Variants in RABGAP1L observed in about 807,000 individuals in gnomAD.
RABGAP1L encodes rab GTPase-activating protein 1-like.
RABGAP1L carries 63 observed loss-of-function variants against 137.7 expected under a neutral mutation model. The observed-to-expected ratio is 0.46, with a 90% CI of 0.37 to 0.56. RABGAP1L has a LOEUF of 0.56. Among genes scored for constraint, RABGAP1L ranks in the 20% least tolerant of loss-of-function variants. The probability of loss-of-function intolerance (pLI) is 0.00; values close to 1 mark genes in which losing one functional copy is unlikely to be tolerated. For synonymous variants in RABGAP1L, 431 were observed against 433.7 expected, an observed-to-expected ratio of 0.99 and a Z score of 0.08; for missense variants, 1,095 against 1,244.0, an observed-to-expected ratio of 0.88 and a Z score of 1.80.
intron 13 of RABGAP1L, among the ~76,000 whole-genome samples, chr1:174,470,725 G>C (rs1347763793): frequency 2.0e-5 from 3 of 152,104 alleles, no homozygotes; most frequent in African/African-American, 7.2e-5. Flanking sequence ...CAAGATGGCG[G>C]CATTGCACTC....
At chr1:174,208,274 T>C (rs1668633873) in intron 1 of RABGAP1L, among the ~76,000 whole-genome samples, 1 of 152,044 alleles carries the variant, frequency 6.6e-6, no homozygotes, top group Non-Finnish European at 1.5e-5. Context: ...GTTTTTTTTT[T>C]CTCTTTTTGA....
At chr1:174,225,148 CACTG>C (rs759159299) in intron 3 of RABGAP1L, among the ~76,000 whole-genome samples, 1 of 152,076 alleles carries the variant, frequency 6.6e-6, no homozygotes, top group Non-Finnish European at 1.5e-5. Context: ...TGTTCAAGCT[CACTG>C]ACTTTTTACT....
chr1:174,166,875 GT>G lies in RABGAP1L; in HGVS notation c.-34+7220del, dbSNP rs1285181206. Among the ~76,000 whole-genome samples, 3 of 152,214 alleles carry G rather than the reference GT, an allele frequency of 2.0e-5. No homozygotes were observed. In the East Asian group the frequency reaches 5.8e-4, roughly 29 times the overall value. On this transcript the variant is annotated intron_variant, in intron 1 of 25. Transcript: ENST00000681986. Reference sequence around the variant, plus strand: ...GAAGTGTGTGGAAAATTTTGGAAATGTTGGTAAAGAAGTTGCTATAGTAAAT... The same window carrying G: ...GAAGTGTGTGGAAAATTTTGGAAATGTGGTAAAGAAGTTGCTATAGTAAAT...
intron 13 of RABGAP1L, among the ~76,000 whole-genome samples, chr1:174,590,301 C>G (rs1468524937): frequency 1.4e-5 from 2 of 148,058 alleles, no homozygotes; most frequent in African/African-American, 4.9e-5. Flanking sequence ...TTTTTTAATA[C>G]CTCCTTTGTT....
intron 19 of RABGAP1L, among the ~76,000 whole-genome samples, chr1:174,938,907 G>C (rs1665354487): frequency 6.6e-6 from 1 of 152,080 alleles, no homozygotes; most frequent in African/African-American, 2.4e-5. Context: ...ATAGAAATGG[G>C]AACATAAATA....
chr1:174,765,385 C>A (rs546732181), intron 18 of RABGAP1L, among the ~76,000 whole-genome samples: 3 of 152,058 alleles, frequency 2.0e-5, no homozygotes, highest in Non-Finnish European at 4.4e-5. Context: ...CTGTTCAGAT[C>A]CTTTGCCCAC....
In RABGAP1L at chr1:174,437,198, A is replaced by G. The variant is rs184591937; in HGVS notation, c.1710+43053A>G. Among the ~76,000 whole-genome samples the G allele has an allele frequency of 3.1e-4, 47 of 152,356 alleles. 1 individual carries two copies. In the East Asian group the frequency reaches 8.7e-3, roughly 28 times the overall value. ...CAAAGGAACGCAGCTCCTCACCAGC[A>G]ACGGAACAAAACTGGACAGAGAATG... On this transcript the variant is annotated intron_variant, in intron 13 of 25. Transcript: ENST00000681986.
chr1:174,881,082 T>C (rs1654119404), intron 19 of RABGAP1L, among the ~76,000 whole-genome samples: 1 of 152,116 alleles, frequency 6.6e-6, no homozygotes, highest in Non-Finnish European at 1.5e-5. Flanking sequence ...TGTTTGTATG[T>C]GTATGGACGC....
chr1:174,324,217 A>T (rs1274984322), intron 11 of RABGAP1L, among the ~76,000 whole-genome samples: 2 of 152,182 alleles, frequency 1.3e-5, no homozygotes, highest in African/African-American at 4.8e-5. Context: ...TTATACTGAA[A>T]TGACTACCTC....
At chr1:174,583,281 A>C (rs1274266871) in intron 13 of RABGAP1L, among the ~76,000 whole-genome samples, 1 of 152,126 alleles carries the variant, frequency 6.6e-6, no homozygotes, top group Non-Finnish European at 1.5e-5. Context: ...TCTTTTACAG[A>C]TCTCTCATGA....
intron 22 of RABGAP1L, among the ~76,000 whole-genome samples, chr1:174,977,851 A>G (rs1396421507): frequency 7.0e-6 from 1 of 143,864 alleles, no homozygotes; most frequent in Admixed American, 6.8e-5. Flanking sequence ...ATAACTTACC[A>G]ATTGCTTTTA....
Position 174,348,130 on chromosome 1 carries a change from T to G in RABGAP1L, c.1466-22849T>G, listed in dbSNP as rs766817704. ...AAGGTTATTTTTTTTGGTGGTGTGC[T>G]TTGAGTTTTTGCTTTTTATTTTTTG... On this transcript the variant is annotated intron_variant, in intron 11 of 25. Coordinates refer to ENST00000681986, the MANE Select transcript of RABGAP1L (RefSeq NM_001366446.1). Among the ~76,000 whole-genome samples the G allele has an allele frequency of 1.3e-4, 19 of 151,882 alleles. 1 individual carries two copies. The highest frequency in any genetic ancestry group is 2.5e-4 in the Non-Finnish European group (17 of 67,958).
chr1:174,587,235 A>T (rs1669184526), intron 13 of RABGAP1L, among the ~76,000 whole-genome samples: 1 of 132,752 alleles, frequency 7.5e-6, no homozygotes, highest in African/African-American at 2.9e-5. Flanking sequence ...TTATAGCAGC[A>T]TGATTTATGG....
chr1:174,408,311 G>T (rs1649513670), intron 13 of RABGAP1L, among the ~76,000 whole-genome samples: 1 of 152,160 alleles, frequency 6.6e-6, no homozygotes, highest in African/African-American at 2.4e-5. Context: ...GTGAGAACAT[G>T]TGGTACTTGG....
intron 20 of RABGAP1L, among the ~76,000 whole-genome samples, chr1:174,965,721 C>CTGTGTAG (rs990897484): frequency 1.3e-5 from 2 of 152,198 alleles, no homozygotes; most frequent in African/African-American, 4.8e-5. Context: ...AGCTTGCTTT[C>CTGTGTAG]CCACTTGTCT....
chr1:174,185,445 A>G (rs1356407633), intron 1 of RABGAP1L, among the ~76,000 whole-genome samples: 3 of 152,194 alleles, frequency 2.0e-5, no homozygotes, highest in African/African-American at 7.2e-5. Context: ...TTATTTGAAT[A>G]AATATAAAAT....
rs760181639 is a variant in RABGAP1L at position 174,833,449 on chromosome 1, GAT to G, written c.2340+21507_2340+21508del. Among the ~76,000 whole-genome samples, 15 of 27,812 alleles carry G rather than the reference GAT, an allele frequency of 5.4e-4. 3 individuals carry two copies. Among genetic ancestry groups the G allele is most frequent in the Admixed American group, 3.0e-3 (5 of 1,684 alleles). The allele number at this position is 27,812 out of a possible 152,430, so 18.2% of individuals were successfully genotyped here. A position where few individuals can be genotyped will look rare whatever the true frequency, so the allele number is the denominator to read the frequency against. ...ATATATATATGTGTGTGTGTGTAGA[GAT>G]ATATATATATATATATAGTAGAGAC... On this transcript the variant is annotated intron_variant, in intron 19 of 25. Coordinates refer to ENST00000681986, the MANE Select transcript of RABGAP1L (RefSeq NM_001366446.1).
rs138164491 is a variant in RABGAP1L at position 174,850,782 on chromosome 1, C to T, written c.2340+38822C>T. On this transcript the variant is annotated intron_variant, in intron 19 of 25. Transcript: ENST00000681986. ...CCTACATTATCTGAGTGGGCCTAAT[C>T]GAATCATATGAGCCTTGAAAGCAGA... Among the ~76,000 whole-genome samples the T allele has an allele frequency of 2.0e-4, 30 of 152,232 alleles. No homozygotes were observed. In the East Asian group the frequency reaches 2.7e-3, roughly 14 times the overall value.
At chr1:174,777,726 A>C (rs1686641373) in intron 18 of RABGAP1L, among the ~76,000 whole-genome samples, 1 of 152,240 alleles carries the variant, frequency 6.6e-6, no homozygotes, top group African/African-American at 2.4e-5. Flanking sequence ...TAAGAGATAA[A>C]AATTACAATG....
Sources: gnomAD v4.1 joint callset for allele counts (sites outside exome capture counted in the v4.1 genomes callset) on GRCh38, gnomAD v4.1.1 for gene constraint, MANE v1.5 for transcripts, NCBI Gene and HGNC (gene_info 2026-07-23, HGNC 2026-07-21) for gene names.